PKIB: variants seen among roughly 807,000 people sequenced by gnomAD.
PKIB encodes the protein cAMP-dependent protein kinase inhibitor beta, also known as PKI-beta.
PKIB carries 2 observed loss-of-function variants against 4.5 expected under a neutral mutation model. The observed-to-expected ratio is 0.44, with a 90% CI of 0.18 to 1.39. The LOEUF is 1.39. PKIB is among the 40% of genes most tolerant of loss of function. The pLI, the probability that PKIB is intolerant of heterozygous loss-of-function variation, is 0.27. For missense variants in PKIB, 94 were observed against 92.6 expected (o/e 1.02, Z -0.06); for synonymous variants, 38 against 36.0 (o/e 1.06, Z -0.20).
At chr6:122,584,690 A>C (rs1773800093) in intron 2 of PKIB, among the ~76,000 whole-genome samples, 1 of 152,172 alleles carries the variant, frequency 6.6e-6, no homozygotes, top group South Asian at 2.1e-4. Context: ...GCTTCAATTT[A>C]TTAAGAAAGA....
At chr6:122,536,002 C>T (rs538687617) in intron 2 of PKIB, among the ~76,000 whole-genome samples, 64 of 152,234 alleles carry the variant, frequency 4.2e-4, no homozygotes, top group Non-Finnish European at 8.2e-4. Flanking sequence ...AGCGCAGTGG[C>T]GATCTCAGCT....
intron 2 of PKIB, among the ~76,000 whole-genome samples, chr6:122,555,814 C>G (rs996635086): frequency 6.6e-6 from 1 of 152,176 alleles, no homozygotes. Context: ...AGTGTTGATA[C>G]TTGTGAAAAG....
intron 1 of PKIB, chr6:122,472,072 G>A (rs1484250697): frequency 5.3e-6 from 2 of 379,708 alleles, no homozygotes; most frequent in Admixed American, 4.5e-5. Flanking sequence ...TACCTACCAT[G>A]CACTTGCATT....
intron 4 of PKIB, 123 bp downstream of exon 4, chr6:122,718,086 C>T (rs1018286031): frequency 1.3e-5 from 13 of 992,182 alleles, no homozygotes; most frequent in Non-Finnish European, 1.9e-5. Flanking sequence ...TTACTTAAAC[C>T]TCTCAGCTTT....
intron 3 of PKIB, among the ~76,000 whole-genome samples, chr6:122,602,684 G>A (rs2114743112): frequency 6.6e-6 from 1 of 152,250 alleles, no homozygotes; most frequent in South Asian, 2.1e-4. Context: ...AGAGGCCGAG[G>A]CAGGCGGATT....
chr6:122,605,225 A>G (rs1480656829), intron 3 of PKIB, among the ~76,000 whole-genome samples: 7 of 152,184 alleles, frequency 4.6e-5, no homozygotes, highest in African/African-American at 1.2e-4. Context: ...CCCTGCCACA[A>G]TTTGGAATTC....
At chr6:122,517,041 G>C (rs1421571612) in intron 2 of PKIB, among the ~76,000 whole-genome samples, 1 of 152,162 alleles carries the variant, frequency 6.6e-6, no homozygotes, top group African/African-American at 2.4e-5. Context: ...TTATGTCTTA[G>C]AATCTCAGCT....
At chr6:122,670,664 A>G (rs1777428164) in intron 2 of PKIB, among the ~76,000 whole-genome samples, 1 of 152,112 alleles carries the variant, frequency 6.6e-6, no homozygotes, top group Non-Finnish European at 1.5e-5. Context: ...CATTTAGTAT[A>G]TGTATGTTGA....
intron 2 of PKIB, among the ~76,000 whole-genome samples, chr6:122,576,689 A>AAAAAAAAAAAATAT (rs1345822382): frequency 1.5e-4 from 5 of 34,312 alleles, no homozygotes; most frequent in African/African-American, 2.6e-4. Context: ...AAAAAAAAAA[A>AAAAAAAAAAAATAT]ATATATATAT....
At chr6:122,665,112 G>A (rs1777165218) in intron 2 of PKIB, among the ~76,000 whole-genome samples, 1 of 152,074 alleles carries the variant, frequency 6.6e-6, no homozygotes, top group African/African-American at 2.4e-5. Context: ...TTTTGTTCTT[G>A]TTGACTCATA....
At chr6:122,477,409 T>C (rs1239998742) in intron 1 of PKIB, among the ~76,000 whole-genome samples, 1 of 152,208 alleles carries the variant, frequency 6.6e-6, no homozygotes, top group African/African-American at 2.4e-5. Context: ...TGATTTCTTA[T>C]ATAAAAATCA....
chr6:122,580,364 ATC>A (rs1773668223), intron 2 of PKIB, among the ~76,000 whole-genome samples: 2 of 152,188 alleles, frequency 1.3e-5, no homozygotes, highest in African/African-American at 4.8e-5. Flanking sequence ...TGATGTTGGC[ATC>A]TAATGATGTT....
chr6:122,718,714 A>G (rs1779605618), intron 4 of PKIB, among the ~76,000 whole-genome samples: 1 of 152,170 alleles, frequency 6.6e-6, no homozygotes, highest in African/African-American at 2.4e-5. Context: ...GCAAGTGAGA[A>G]CCAGAAGCCG....
intron 2 of PKIB, among the ~76,000 whole-genome samples, chr6:122,516,154 C>G (rs1776744523): frequency 6.6e-6 from 1 of 152,178 alleles, no homozygotes; most frequent in African/African-American, 2.4e-5. Flanking sequence ...TCTCAAAGAG[C>G]ACACACGTAA....
intron 2 of PKIB, among the ~76,000 whole-genome samples, chr6:122,486,515 C>T (rs905538702): frequency 2.0e-5 from 3 of 151,930 alleles, no homozygotes; most frequent in African/African-American, 7.2e-5. Flanking sequence ...CCTCTATGTT[C>T]CAATAGTATC....
At chr6:122,718,754 A>T (rs1779607378) in intron 4 of PKIB, among the ~76,000 whole-genome samples, 1 of 152,138 alleles carries the variant, frequency 6.6e-6, no homozygotes, top group Non-Finnish European at 1.5e-5. Context: ...CGGGAGCCCA[A>T]GAAGAAGGCT....
At chr6:122,554,600 T>A (rs531988015) in intron 2 of PKIB, among the ~76,000 whole-genome samples, 1 of 152,304 alleles carries the variant, frequency 6.6e-6, no homozygotes, top group Non-Finnish European at 1.5e-5. Context: ...TGAGCAGTAG[T>A]GGGGCTGTCT....
chr6:122,573,790 A>G (rs1254116010), intron 2 of PKIB, among the ~76,000 whole-genome samples: 3 of 152,206 alleles, frequency 2.0e-5, no homozygotes, highest in South Asian at 2.1e-4. Flanking sequence ...TAAAAGTAAC[A>G]TATGACAAAT....
chr6:122,488,987 TG>T (rs1336861047), intron 2 of PKIB, among the ~76,000 whole-genome samples: 3 of 152,152 alleles, frequency 2.0e-5, no homozygotes, highest in Non-Finnish European at 4.4e-5. Context: ...GTGAGAAACT[TG>T]GTTCTCATTA....
Sources: gnomAD v4.1 joint callset for allele counts (sites outside exome capture counted in the v4.1 genomes callset) on GRCh38, gnomAD v4.1.1 for gene constraint, MANE v1.5 for transcripts, NCBI Gene and HGNC (gene_info 2026-07-23, HGNC 2026-07-21) for gene names.